TUT7: variants seen among roughly 807,000 people sequenced by gnomAD.
The protein encoded by TUT7 is terminal uridylyltransferase 7.
In TUT7, 33 loss-of-function variants were observed where a neutral mutation model predicts 165.9. That is an observed-to-expected ratio of 0.20 (90% CI 0.15 to 0.27). The LOEUF is 0.27. Ranked by LOEUF, TUT7 falls within the 10% of genes least tolerant of loss-of-function variation. The probability of loss-of-function intolerance (pLI) is 1.00; values close to 1 mark genes in which losing one functional copy is unlikely to be tolerated. For missense variants in TUT7, 1,338 were observed against 1,762.3 expected, an observed-to-expected ratio of 0.76 and a Z score of 4.31; for synonymous variants, 552 against 608.1, an observed-to-expected ratio of 0.91 and a Z score of 1.36.
At chr9:86,345,463 A>G (rs1831675978) in intron 4 of TUT7, among the ~76,000 whole-genome samples, 1 of 152,228 alleles carries the variant, frequency 6.6e-6, no homozygotes, top group African/African-American at 2.4e-5. Flanking sequence ...ATGACTTCAT[A>G]TAACCTGATG....
At chr9:86,334,433 T>C (rs1587976307) in intron 10 of TUT7, among the ~76,000 whole-genome samples, 1 of 152,092 alleles carries the variant, frequency 6.6e-6, no homozygotes, top group Admixed American at 6.6e-5. Flanking sequence ...CTTCGGAAAT[T>C]TGTCAACTAC....
At chr9:86,340,894 C>T (rs892026713) in intron 7 of TUT7, 108 bp downstream of exon 7, 18 of 819,046 alleles carry the variant, frequency 2.2e-5, no homozygotes, top group South Asian at 8.9e-5. Context: ...ATATTACCCA[C>T]ATAAATAATT....
At chr9:86,330,696 G>C (rs1367835748) in intron 10 of TUT7, among the ~76,000 whole-genome samples, 1 of 152,080 alleles carries the variant, frequency 6.6e-6, no homozygotes, top group East Asian at 1.9e-4. Flanking sequence ...AGGAGTTTCA[G>C]AGTTTTTAAC....
intron 26 of TUT7, among the ~76,000 whole-genome samples, chr9:86,298,015 T>G (rs1486612222): frequency 6.8e-6 from 1 of 147,918 alleles, no homozygotes. Flanking sequence ...GGACAACACC[T>G]GTTTCCATCT....
intron 10 of TUT7, among the ~76,000 whole-genome samples, chr9:86,331,600 G>A (rs1830319278): frequency 6.6e-6 from 1 of 152,006 alleles, no homozygotes; most frequent in African/African-American, 2.4e-5. Context: ...TTTGTCTTTG[G>A]CATATTTTTT....
chr9:86,343,165 T>TA lies in TUT7; in HGVS notation c.998-3dup. On this transcript the variant is annotated splice_polypyrimidine_tract_variant and splice_region_variant and intron_variant, in intron 5 of 26. Coordinates refer to ENST00000375963, the MANE Select transcript of TUT7 (RefSeq NM_024617.4). ...ACCCATATAATCTTAGGGAACAATC[T>TA]AAAAAATAAATAAATAAATAAAAGT... 3 of 1,508,180 alleles carry TA rather than the reference T, an allele frequency of 2.0e-6. No homozygotes were observed. Among genetic ancestry groups the TA allele is most frequent in the Non-Finnish European group, 2.7e-6 (3 of 1,117,620 alleles). 93.4% of individuals were successfully genotyped at this position (1,508,180 alleles called of 1,614,324 possible). A position where few individuals can be genotyped will look rare whatever the true frequency, so the allele number is the denominator to read the frequency against.
At chr9:86,340,664 T>A (rs1033880456) in intron 7 of TUT7, among the ~76,000 whole-genome samples, 4 of 152,234 alleles carry the variant, frequency 2.6e-5, no homozygotes, top group Non-Finnish European at 5.9e-5. Context: ...GTTGGTAAAA[T>A]ACTGATTTTA....
At position 86,311,245 on chromosome 9, in the gene TUT7, T is replaced by C. The variant is rs996426550; in HGVS notation, c.3275-436A>G. On this transcript the variant is annotated intron_variant, in intron 17 of 26. Coordinates refer to ENST00000375963, the MANE Select transcript of TUT7 (RefSeq NM_024617.4). The surrounding 1 kb of genome is among the most constrained non-coding windows in gnomAD (Gnocchi z 4.4). ...GACGATTATCCTCCAAACAAGTTAC[T>C]CACCTTAAAGCTAGAAGTTATGAAG... 1.3e-5 allele frequency among the ~76,000 whole-genome samples: 2 copies of C among 152,190 alleles called. No homozygotes were observed. The highest frequency in any genetic ancestry group is 4.8e-5 in the African/African-American group (2 of 41,440).
chr9:86,326,911 CA>C (rs1189286119), intron 11 of TUT7, among the ~76,000 whole-genome samples: 6 of 152,206 alleles, frequency 3.9e-5, no homozygotes, highest in African/African-American at 1.4e-4. Flanking sequence ...GGATTTACAG[CA>C]ATAGCTTTTC....
chr9:86,301,848 A>C, intron 25 of TUT7: 2 of 985,384 alleles, frequency 2.0e-6, no homozygotes, highest in Non-Finnish European at 2.4e-6. Flanking sequence ...CAATGACTGC[A>C]ATTAGTGGCA....
chr9:86,302,275 G>C (rs1323878802), intron 25 of TUT7, among the ~76,000 whole-genome samples: 1 of 152,128 alleles, frequency 6.6e-6, no homozygotes, highest in Non-Finnish European at 1.5e-5. Context: ...AAGAAAGCAT[G>C]GGGACTAAAC....
chr9:86,329,987 A>G (rs971056828), intron 10 of TUT7, among the ~76,000 whole-genome samples: 1 of 152,100 alleles, frequency 6.6e-6, no homozygotes, highest in East Asian at 1.9e-4. Flanking sequence ...CCACCACTGC[A>G]TATATATTTA....
chr9:86,316,117 T>C (rs1353962770), intron 17 of TUT7, among the ~76,000 whole-genome samples: 1 of 152,234 alleles, frequency 6.6e-6, no homozygotes, highest in Non-Finnish European at 1.5e-5. Context: ...TTTTCAGCTC[T>C]TAGCACAGAA....
rs1470199287 is a variant in TUT7 at position 86,352,884 on chromosome 9, G to T, written c.316C>A (p.His106Asn). 6.2e-7 allele frequency: 1 copy of T among 1,614,200 alleles called. No homozygotes were observed. Among genetic ancestry groups the T allele is most frequent in the Non-Finnish European group, 8.5e-7 (1 of 1,180,030 alleles). The change falls in exon 2 of 27, where the codon CAT becomes AAT. Residue 106 changes from histidine to asparagine, a missense_variant. Physicochemically the swap from His to Asn is moderately conservative, Grantham distance 68. Around this residue, in one of 7 missense-constraint regions of TUT7, gnomAD observed 434 missense variants for 480.8 expected, o/e 0.90. Transcript: ENST00000375963. ...DQSKRWLSDE[H>N]TGNSDNWREF... ...CTCCAGTTGTCTGAATTACCAGTAT[G>T]TTCATCAGACAGCCATCTCTTACTC...
At chr9:86,341,191 T>G in intron 6 of TUT7, 138 bp from the exon 7 acceptor site, 1 of 723,290 alleles carries the variant, frequency 1.4e-6, no homozygotes, top group Admixed American at 2.4e-5. Flanking sequence ...AATTACTCAC[T>G]ATGTTGTTTG....
At position 86,328,226 on chromosome 9, in the gene TUT7, A is replaced by G. The variant is rs553090189; in HGVS notation, c.1608+114T>C. On this transcript the variant is annotated intron_variant, in intron 11 of 26. Coordinates refer to ENST00000375963, the MANE Select transcript of TUT7 (RefSeq NM_024617.4). ...GTTCGAGGTACTAAACAGACTGGCAAATGAAAGAGCCACGAAATAGTAAAG... is the reference window on the plus strand; with the variant it reads ...GTTCGAGGTACTAAACAGACTGGCAGATGAAAGAGCCACGAAATAGTAAAG... The G allele has an allele frequency of 8.9e-6, 10 of 1,123,452 alleles. No individual in the cohort carries two copies. The East Asian group carries it at 2.5e-4, about 28-fold the overall frequency. 69.6% of individuals were successfully genotyped at this position (1,123,452 alleles called of 1,614,324 possible).
At chr9:86,292,789 A>C (rs10115567) in intron 26 of TUT7, among the ~76,000 whole-genome samples, 5 of 152,032 alleles carry the variant, frequency 3.3e-5, no homozygotes, top group African/African-American at 1.2e-4. Context: ...AGAAAAAAAA[A>C]ATTGAAAAAC....
intron 13 of TUT7, among the ~76,000 whole-genome samples, 170 bp from the exon 14 acceptor site, chr9:86,322,645 C>A (rs1489779937): frequency 6.6e-6 from 1 of 152,156 alleles, no homozygotes; most frequent in African/African-American, 2.4e-5. Flanking sequence ...CCTATAGTAT[C>A]ATTAGGAGAA....
intron 12 of TUT7, 81 bp downstream of exon 12, chr9:86,325,253 G>C: frequency 3.7e-6 from 5 of 1,361,952 alleles, no homozygotes; most frequent in Non-Finnish European, 5.1e-6. Flanking sequence ...GCTGAAAAGA[G>C]ACTGAAATAA....
Sources: allele counts gnomAD v4.1 joint callset (sites outside exome capture counted in the v4.1 genomes callset), GRCh38; gene constraint gnomAD v4.1.1; regional missense constraint gnomAD v4.1.1; non-coding constraint Gnocchi (gnomAD v3.1); transcripts MANE v1.5; gene names NCBI Gene and HGNC (gene_info 2026-07-23, HGNC 2026-07-21).